The following PI4KA variants were observed in gnomAD, a reference collection of about 807,000 sequenced individuals.
The protein encoded by PI4KA is PI4-kinase alpha.
PI4KA carries 122 observed loss-of-function variants against 271.4 expected under a neutral mutation model. That is an observed-to-expected ratio of 0.45 (90% CI 0.39 to 0.52). The LOEUF (loss-of-function observed/expected upper bound fraction) is 0.52. Among genes scored for constraint, PI4KA ranks in the 20% least tolerant of loss-of-function variants. The pLI is 0.00. For synonymous variants in PI4KA, 1,041 were observed against 1,078.8 expected (o/e 0.96, Z 0.69); for missense variants, 1,969 against 2,769.1 (o/e 0.71, Z 6.48).
intron 4 of PI4KA, among the ~76,000 whole-genome samples, chr22:20,822,046 G>A (rs1381943711): frequency 6.6e-6 from 1 of 152,164 alleles, no homozygotes; most frequent in Non-Finnish European, 1.5e-5. Context: ...AGGCTGACGT[G>A]TGAGGGTCAC....
chr22:20,802,433 C>G (rs1209347646), intron 13 of PI4KA, among the ~76,000 whole-genome samples: 2 of 152,230 alleles, frequency 1.3e-5, no homozygotes, highest in Admixed American at 1.3e-4. Context: ...TTGGAGTTAC[C>G]TCACTAATAT....
rs1430826985 is a variant in PI4KA, at chr22:20,780,112, T to G, written c.2328+13081A>C. On this transcript the variant is annotated intron_variant, in intron 19 of 54. Transcript: ENST00000255882. Reference sequence around the variant, plus strand: ...ATATCAAAAACCAACAACCACATCATGAAGCTCACCAAGGGCCTCATAAAA... The same window carrying G: ...ATATCAAAAACCAACAACCACATCAGGAAGCTCACCAAGGGCCTCATAAAA... 2 of 1,614,042 alleles carry G rather than the reference T, an allele frequency of 1.2e-6. No individual in the cohort carries two copies. The highest frequency in any genetic ancestry group is 2.2e-5 in the East Asian group (1 of 44,888).
At chr22:20,855,200 C>T (rs1167070662) in intron 1 of PI4KA, among the ~76,000 whole-genome samples, 1 of 150,554 alleles carries the variant, frequency 6.6e-6, no homozygotes, top group Non-Finnish European at 1.5e-5. Context: ...ATGCTAAGGG[C>T]TTTTTGTCAA....
intron 5 of PI4KA, 126 bp from the exon 6 acceptor site, chr22:20,820,026 A>G: frequency 1.3e-6 from 1 of 792,974 alleles, no homozygotes; most frequent in Non-Finnish European, 2.0e-6. Flanking sequence ...AAGGTTCACA[A>G]TAAGCCACAA....
At position 20,811,607 on chromosome 22, in the gene PI4KA, C is replaced by CAA. The variant is rs1185062165; in HGVS notation, c.1006-577_1006-576dup. 3.8e-3 allele frequency among the ~76,000 whole-genome samples: 427 copies of CAA among 112,404 alleles called. 15 individuals are homozygous for CAA. The highest frequency in any genetic ancestry group is 8.8e-3 in the African/African-American group (269 of 30,668). The allele number at this position is 112,404 out of a possible 152,430, so 73.7% of individuals were successfully genotyped here. A position where few individuals can be genotyped will look rare whatever the true frequency, so the allele number is the denominator to read the frequency against. On this transcript the variant is annotated intron_variant, in intron 8 of 54. Transcript: ENST00000255882. Reference sequence around the variant, plus strand: ...AATTGTTCTGTCAACTGCAGAACCACAAAAAAAAAAAAAAAACTGCCCACA... The same window carrying CAA: ...AATTGTTCTGTCAACTGCAGAACCACAAAAAAAAAAAAAAAAAACTGCCCACA...
At chr22:20,815,469 A>T (rs890938029) in intron 7 of PI4KA, among the ~76,000 whole-genome samples, 9 of 152,158 alleles carry the variant, frequency 5.9e-5, no homozygotes, top group African/African-American at 2.2e-4. Flanking sequence ...TTCATAAGAC[A>T]GTATCAATTC....
intron 51 of PI4KA, 198 bp from the exon 52 acceptor site, chr22:20,711,056 G>T: frequency 1.7e-6 from 1 of 601,278 alleles, no homozygotes; most frequent in South Asian, 1.9e-5. Context: ...AGGAAGTGGA[G>T]GAAGGAGCCA....
At chr22:20,762,328 A>T (rs1203561554) in intron 22 of PI4KA, among the ~76,000 whole-genome samples, 1 of 152,104 alleles carries the variant, frequency 6.6e-6, no homozygotes, top group Admixed American at 6.5e-5. Context: ...CTTTAACTTG[A>T]TTTCCCAAAT....
At chr22:20,793,946 C>A (rs570537273) in intron 18 of PI4KA, among the ~76,000 whole-genome samples, 1 of 152,368 alleles carries the variant, frequency 6.6e-6, no homozygotes, top group East Asian at 1.9e-4. Context: ...CTTGAGCATA[C>A]ACTGCGGCCA....
Position 20,717,790 on chromosome 22 carries a change from G to A in PI4KA, c.5247-12C>T. 6.4e-7 allele frequency: 1 copy of A among 1,550,874 alleles called. No homozygotes were observed. Among genetic ancestry groups the A allele is most frequent in the Non-Finnish European group, 8.7e-7 (1 of 1,143,508 alleles). ...CTTTAGGGTAGGGCCTGAGAAACAG[G>A]AAAGAAATTCTTGCTTTGTCTCCTG... On this transcript the variant is annotated splice_polypyrimidine_tract_variant and intron_variant, in intron 44 of 54. Coordinates refer to ENST00000255882, the MANE Select transcript of PI4KA (RefSeq NM_058004.4).
intron 9 of PI4KA, among the ~76,000 whole-genome samples, chr22:20,810,114 G>C (rs978931901): frequency 2.0e-5 from 3 of 151,984 alleles, no homozygotes; most frequent in African/African-American, 7.3e-5. Context: ...CCTCAAGAGG[G>C]GCCTGACCCA....
At chr22:20,771,087 G>T (rs1012936466) in intron 19 of PI4KA, among the ~76,000 whole-genome samples, 1 of 152,058 alleles carries the variant, frequency 6.6e-6, no homozygotes, top group African/African-American at 2.4e-5. Flanking sequence ...AACTGCAAAA[G>T]AACAATGGAG....
intron 19 of PI4KA, among the ~76,000 whole-genome samples, chr22:20,777,147 T>C (rs191458765): frequency 6.6e-6 from 1 of 151,984 alleles, no homozygotes; most frequent in African/African-American, 2.4e-5. Context: ...CAAGTGATCC[T>C]CCTACTTCAG....
At chr22:20,736,778 C>T in intron 32 of PI4KA, 1 of 155,146 alleles carries the variant, frequency 6.4e-6, no homozygotes, top group East Asian at 1.9e-4. Context: ...CTGGCATCTA[C>T]AGTGAATGGA....
intron 22 of PI4KA, 161 bp downstream of exon 22, chr22:20,764,655 GA>G: frequency 1.6e-6 from 1 of 614,998 alleles, no homozygotes; most frequent in Non-Finnish European, 2.7e-6. Context: ...GGTCATGAAG[GA>G]GGGGCATACG....
intron 10 of PI4KA, among the ~76,000 whole-genome samples, 197 bp downstream of exon 10, chr22:20,807,165 C>T (rs1197253859): frequency 1.3e-5 from 2 of 152,166 alleles, no homozygotes; most frequent in Non-Finnish European, 2.9e-5. Flanking sequence ...ATCGATGGTA[C>T]CGGGGTTGCA....
intron 1 of PI4KA, among the ~76,000 whole-genome samples, chr22:20,853,228 T>C (rs1927203366): frequency 1.3e-5 from 2 of 152,140 alleles, no homozygotes; most frequent in African/African-American, 4.8e-5. Context: ...CAAGGAATGC[T>C]ATCTACTTTG....
At chr22:20,853,291 T>C (rs1010847634) in intron 1 of PI4KA, among the ~76,000 whole-genome samples, 1 of 152,226 alleles carries the variant, frequency 6.6e-6, no homozygotes, top group South Asian at 2.1e-4. Context: ...ACTGGTTTAA[T>C]ACAGGCCTAT....
At chr22:20,811,140 G>T in intron 8 of PI4KA, 108 bp from the exon 9 acceptor site, 2 of 799,588 alleles carry the variant, frequency 2.5e-6, no homozygotes, top group Non-Finnish European at 2.2e-6. Flanking sequence ...AAAATGTGAT[G>T]CAGATAAAGG....
Sources: allele counts gnomAD v4.1 joint callset (sites outside exome capture counted in the v4.1 genomes callset), GRCh38; gene constraint gnomAD v4.1.1; transcripts MANE v1.5; gene names NCBI Gene and HGNC (gene_info 2026-07-23, HGNC 2026-07-21).